The following MYLK variants were observed in gnomAD, a reference collection of about 807,000 sequenced individuals.
MYLK encodes myosin light chain kinase, also known as myosin light chain kinase, smooth muscle.
A neutral mutation model predicts 203.4 loss-of-function variants in MYLK; 106 were observed. The ratio of observed to expected loss-of-function variants is 0.52; its 90% confidence interval spans 0.45 to 0.61. The LOEUF is 0.61. Among genes scored for constraint, MYLK ranks in the 20% least tolerant of loss-of-function variants. MYLK has a pLI of 0.00. For missense variants in MYLK, 2,072 were observed against 2,442.3 expected (o/e 0.85, Z 3.20); for synonymous variants, 867 against 959.5 (o/e 0.90, Z 1.78).
chr3:123,875,925 A>AT (rs1326355441), intron 2 of MYLK, among the ~76,000 whole-genome samples: 6 of 152,220 alleles, frequency 3.9e-5, no homozygotes, highest in Admixed American at 3.3e-4. Flanking sequence ...TTAGAAAAAG[A>AT]TATCTAACTT....
At chr3:123,778,162 A>T (rs1357869877) in intron 4 of MYLK, among the ~76,000 whole-genome samples, 1 of 152,120 alleles carries the variant, frequency 6.6e-6, no homozygotes, top group Non-Finnish European at 1.5e-5. Flanking sequence ...GGGGGCGATA[A>T]TTGGTTCTCA....
intron 2 of MYLK, 49 bp from the exon 3 acceptor site, chr3:123,831,719 G>A (rs1156447593): frequency 7.2e-5 from 18 of 251,318 alleles, no homozygotes; most frequent in Non-Finnish European, 1.1e-4. Flanking sequence ...AGACAGACAC[G>A]CAAAAGGGAT....
At position 123,629,462 on chromosome 3, in the gene MYLK, C is replaced by A; in HGVS notation, c.5114+12G>T. 1.2e-6 allele frequency: 2 copies of A among 1,614,096 alleles called. No homozygotes were observed. The highest frequency in any genetic ancestry group is 2.2e-5 in the South Asian group (2 of 91,068). ...GAGTAGGGAAGCAAAGACTGAAATC[C>A]CAACTCATTACTTCATATCTTTCTT... On this transcript the variant is annotated intron_variant, in intron 30 of 33. Transcript: ENST00000360304. This position sits in a 1 kb window ranked among gnomAD's most constrained non-coding sequence, Gnocchi z 4.4.
chr3:123,749,074 A>AATACATACATACATACATACATAC (rs60797453), intron 5 of MYLK, among the ~76,000 whole-genome samples: 1 of 142,244 alleles, frequency 7.0e-6, no homozygotes, highest in South Asian at 2.4e-4. Context: ...GTCTCAGAAA[A>AATACATACATACATACATACATAC]ATACATACAT....
intron 2 of MYLK, among the ~76,000 whole-genome samples, chr3:123,870,905 A>C (rs1478613102): frequency 1.3e-5 from 2 of 152,208 alleles, no homozygotes; most frequent in African/African-American, 4.8e-5. Context: ...GAACCCTTTC[A>C]TCCAACAAAA....
At position 123,753,569 on chromosome 3, in the gene MYLK, G is replaced by C. The variant is rs575791014; in HGVS notation, c.166-1031C>G. Among the ~76,000 whole-genome samples the C allele has an allele frequency of 2.0e-5, 3 of 151,316 alleles. No individual in the cohort carries two copies. The South Asian group carries it at 6.3e-4, about 32-fold the overall frequency. On this transcript the variant is annotated intron_variant, in intron 4 of 33. Transcript: ENST00000360304. ...TCTGAGTTTCATAGCAACCCAGTCAGAGAGAAGACATCTCTCAAAAGAGGG... is the reference window on the plus strand; with the variant it reads ...TCTGAGTTTCATAGCAACCCAGTCACAGAGAAGACATCTCTCAAAAGAGGG...
At chr3:123,846,930 C>T (rs1347222800) in intron 2 of MYLK, among the ~76,000 whole-genome samples, 1 of 151,802 alleles carries the variant, frequency 6.6e-6, no homozygotes, top group East Asian at 1.9e-4. Context: ...ATTGGTTATT[C>T]CTGGTAAATA....
intron 4 of MYLK, among the ~76,000 whole-genome samples, chr3:123,758,481 G>GCAAAT (rs2063430765): frequency 6.6e-6 from 1 of 152,098 alleles, no homozygotes; most frequent in Non-Finnish European, 1.5e-5. Context: ...ATGCCATGTG[G>GCAAAT]GTCTCCAGGG....
chr3:123,763,448 C>T (rs1320587426), intron 4 of MYLK, among the ~76,000 whole-genome samples: 2 of 152,188 alleles, frequency 1.3e-5, no homozygotes, highest in Non-Finnish European at 2.9e-5. Flanking sequence ...CAATAGTTTT[C>T]TAAGAATGAA....
intron 2 of MYLK, among the ~76,000 whole-genome samples, chr3:123,845,893 T>C (rs1465278048): frequency 1.3e-5 from 2 of 152,232 alleles, no homozygotes; most frequent in Non-Finnish European, 2.9e-5. Flanking sequence ...TAACATTATA[T>C]TCTTAGAAAA....
intron 31 of MYLK, 179 bp from the exon 32 acceptor site, chr3:123,620,515 G>A (rs777749875): frequency 1.3e-5 from 19 of 1,470,340 alleles, no homozygotes; most frequent in Non-Finnish European, 1.4e-5. Context: ...GCTCAGCACT[G>A]TCAGTGTGTC....
intron 2 of MYLK, among the ~76,000 whole-genome samples, chr3:123,875,024 T>C (rs961877755): frequency 6.6e-6 from 1 of 152,186 alleles, no homozygotes; most frequent in Non-Finnish European, 1.5e-5. Context: ...CCTCATATAT[T>C]ACTACCAGGA....
In MYLK at chr3:123,613,647, G is replaced by A. The variant is rs1240823721; in HGVS notation, c.*458C>T. ...CTGCTTTCAGAAATGAATTGCTGGA[G>A]TACTGGGAGAAAACCCAGTTCTCTA... On this transcript the variant is annotated 3_prime_UTR_variant, in exon 34 of 34. Transcript: ENST00000360304. 4.9e-6 allele frequency: 1 copy of A among 204,004 alleles called. No homozygotes were observed. The highest frequency in any genetic ancestry group is 1.3e-4 in the East Asian group (1 of 7,554). 12.6% of individuals were successfully genotyped at this position (204,004 alleles called of 1,614,324 possible). A position where few individuals can be genotyped will look rare whatever the true frequency, so the allele number is the denominator to read the frequency against.
chr3:123,848,540 C>A (rs1316425448), intron 2 of MYLK, among the ~76,000 whole-genome samples: 2 of 152,160 alleles, frequency 1.3e-5, no homozygotes, highest in Non-Finnish European at 2.9e-5. Flanking sequence ...TCCCTGGCTC[C>A]CTTGCAGCTA....
chr3:123,667,195 A>C lies in MYLK; in HGVS notation c.3653-8T>G. On this transcript the variant is annotated splice_region_variant and splice_polypyrimidine_tract_variant and intron_variant, in intron 20 of 33. Coordinates refer to ENST00000360304, the MANE Select transcript of MYLK (RefSeq NM_053025.4). ...TTTTCACAGTCGCATCACCTGAAAC[A>C]AAGAAGTTCACAAGTTATTTCCTGT... The C allele has an allele frequency of 6.2e-7, 1 of 1,612,918 alleles. No individual in the cohort carries two copies.
chr3:123,732,828 G>T, intron 11 of MYLK, 68 bp downstream of exon 11: 1 of 1,486,368 alleles, frequency 6.7e-7, no homozygotes, highest in South Asian at 1.2e-5. Context: ...ACCATCTGCA[G>T]AAGGTGAAGC....
Position 123,679,318 on chromosome 3 carries a change from A to C in MYLK, c.3652+2906T>G, listed in dbSNP as rs556237037. ...GAGACTCTGTCTCAAAAAAAAAAAA[A>C]AAAACAAAACAAGACATCTCCTTCA... is the stretch of plus-strand genomic sequence containing the variant. On this transcript the variant is annotated intron_variant, in intron 20 of 33. Coordinates refer to ENST00000360304, the MANE Select transcript of MYLK (RefSeq NM_053025.4). Among the ~76,000 whole-genome samples, 783 of 151,760 alleles carry C rather than the reference A, an allele frequency of 5.2e-3. 11 individuals carry two copies. The highest frequency in any genetic ancestry group is 4.5e-3 in the Non-Finnish European group (304 of 67,912).
chr3:123,708,735 A>G lies in MYLK; in HGVS notation c.2103T>C (p.Ala701=), dbSNP rs765840432. The G allele has an allele frequency of 1.2e-6, 2 of 1,614,062 alleles. No homozygotes were observed. The highest frequency in any genetic ancestry group is 2.7e-5 in the African/African-American group (2 of 74,940). Residue 701 remains alanine, a synonymous_variant, in exon 15 of 34, where the codon GCT becomes GCC. Transcript: ENST00000360304. ...GTYTCEAWNS[A]GEVRTQAVLT... ...GCACGGCCTGGGTGCGGACCTCTCCAGCGCTGTTCCAGGCCTCGCAGGTGT... is the reference window on the plus strand; with the variant it reads ...GCACGGCCTGGGTGCGGACCTCTCCGGCGCTGTTCCAGGCCTCGCAGGTGT...
At chr3:123,833,630 A>C (rs761152056) in intron 2 of MYLK, among the ~76,000 whole-genome samples, 1 of 152,224 alleles carries the variant, frequency 6.6e-6, no homozygotes, top group Non-Finnish European at 1.5e-5. Context: ...TGCACCACAG[A>C]CATTTAATAC....
Sources: allele counts gnomAD v4.1 joint callset (sites outside exome capture counted in the v4.1 genomes callset), GRCh38; gene constraint gnomAD v4.1.1; non-coding constraint Gnocchi (gnomAD v3.1); transcripts MANE v1.5; gene names NCBI Gene and HGNC (gene_info 2026-07-23, HGNC 2026-07-21).